Variants in EPHA7 observed in about 807,000 individuals in gnomAD.
The protein encoded by EPHA7 is ephrin type-A receptor 7.
Under a neutral mutation model 112.6 loss-of-function variants are expected in EPHA7, and 25 were observed. The ratio of observed to expected loss-of-function variants is 0.22; its 90% confidence interval spans 0.16 to 0.31. The LOEUF (loss-of-function observed/expected upper bound fraction) is 0.31. Among genes scored for constraint, EPHA7 ranks in the 10% least tolerant of loss-of-function variants. The pLI is 1.00. For missense variants in EPHA7, 962 were observed against 1,212.6 expected, an observed-to-expected ratio of 0.79 and a Z score of 3.07; for synonymous variants, 437 against 406.5, an observed-to-expected ratio of 1.07 and a Z score of -0.90.
rs146203229 is a variant in EPHA7 at position 93,258,185 on chromosome 6, T to G, written c.2024A>C (p.Gln675Pro). ...KTLKVGYTEK[Q>P]RRDFLCEASI... Reference sequence around the variant, plus strand: ...TGCTTCACACAAAAAGTCTCTCCTTTGTTTTTCTGTGTAACCAACTTTCAG... The same window carrying G: ...TGCTTCACACAAAAAGTCTCTCCTTGGTTTTTCTGTGTAACCAACTTTCAG... The change falls in exon 11 of 17, where the codon CAA becomes CCA. Residue 675 changes from glutamine (Q) to proline (P), a missense_variant. Gln to Pro is a moderately conservative substitution (Grantham distance 76, BLOSUM62 -1). Coordinates refer to ENST00000369303, the MANE Select transcript of EPHA7 (RefSeq NM_004440.4). 1.1e-3 allele frequency: 1,815 copies of G among 1,613,484 alleles called. 2 individuals are homozygous for G. The highest frequency in any genetic ancestry group is 1.3e-3 in the Non-Finnish European group (1,570 of 1,179,640).
chr6:93,241,577 CA>C lies in EPHA7; in HGVS notation c.*1848del. ...AATTAAAATGATTTTTCTAGTCAAT[CA>C]AAAAATAAATTAAAATATCAAATAA... On this transcript the variant is annotated 3_prime_UTR_variant, in exon 17 of 17. Transcript: ENST00000369303. 5.0e-6 allele frequency: 1 copy of C among 201,548 alleles called. No individual in the cohort carries two copies. The highest frequency in any genetic ancestry group is 1.0e-5 in the Non-Finnish European group (1 of 98,604). The allele number at this position is 201,548 out of a possible 1,614,324, so 12.5% of individuals were successfully genotyped here.
intron 5 of EPHA7, among the ~76,000 whole-genome samples, chr6:93,320,101 G>A (rs930033312): frequency 6.6e-6 from 1 of 151,964 alleles, no homozygotes; most frequent in Non-Finnish European, 1.5e-5. Context: ...TGTATTTTGT[G>A]CTAGTATTAA....
At chr6:93,250,229 C>T (rs1419550795) in intron 14 of EPHA7, among the ~76,000 whole-genome samples, 1 of 152,070 alleles carries the variant, frequency 6.6e-6, no homozygotes, top group South Asian at 2.1e-4. Context: ...AAGATACACC[C>T]TTTGAAACAA....
chr6:93,317,524 C>T (rs1411108519), intron 5 of EPHA7, among the ~76,000 whole-genome samples: 1 of 152,134 alleles, frequency 6.6e-6, no homozygotes, highest in Non-Finnish European at 1.5e-5. Flanking sequence ...TCAATTTTAA[C>T]ATTAGCAAAG....
At chr6:93,364,405 C>A (rs1266007663) in intron 3 of EPHA7, among the ~76,000 whole-genome samples, 1 of 151,544 alleles carries the variant, frequency 6.6e-6, no homozygotes, top group Non-Finnish European at 1.5e-5. Context: ...GCACCTGTAA[C>A]CCCAGCTACT....
Position 93,411,189 on chromosome 6 carries a change from G to C in EPHA7, c.163-19C>G. 1 of 1,584,652 alleles carries C rather than the reference G, an allele frequency of 6.3e-7. No homozygotes were observed. The highest frequency in any genetic ancestry group is 1.1e-5 in the South Asian group (1 of 88,640). ...CTTCCCACTGTAAAATTTGAAAAAA[G>C]GTCATCAGTCATTCAGCAAAAAATA... On this transcript the variant is annotated intron_variant, in intron 2 of 16. Transcript: ENST00000369303.
intron 5 of EPHA7, among the ~76,000 whole-genome samples, chr6:93,349,935 T>C (rs1164157407): frequency 2.0e-5 from 3 of 151,850 alleles, no homozygotes; most frequent in African/African-American, 7.2e-5. Flanking sequence ...TGGTTTTGTC[T>C]TTTTTGGGGA....
At chr6:93,362,375 A>G (rs1359902594) in intron 3 of EPHA7, among the ~76,000 whole-genome samples, 1 of 152,100 alleles carries the variant, frequency 6.6e-6, no homozygotes, top group African/African-American at 2.4e-5. Flanking sequence ...TATTGTATTT[A>G]ATCTCAACTA....
chr6:93,268,507 C>T (rs1273667662), intron 7 of EPHA7, among the ~76,000 whole-genome samples: 1 of 150,682 alleles, frequency 6.6e-6, no homozygotes, highest in African/African-American at 2.4e-5. Context: ...TAATATTTTC[C>T]AACTTAATTT....
intron 5 of EPHA7, among the ~76,000 whole-genome samples, chr6:93,297,426 C>A (rs1039765613): frequency 2.0e-5 from 3 of 152,050 alleles, no homozygotes; most frequent in Non-Finnish European, 4.4e-5. Context: ...AACCAAAGTT[C>A]TTTTGGTCAA....
At chr6:93,384,046 AT>A (rs1268032345) in intron 3 of EPHA7, among the ~76,000 whole-genome samples, 4 of 152,196 alleles carry the variant, frequency 2.6e-5, no homozygotes, top group Non-Finnish European at 5.9e-5. Flanking sequence ...ATGGAAGAAA[AT>A]CAGTATCAGG....
intron 3 of EPHA7, among the ~76,000 whole-genome samples, chr6:93,381,125 C>T (rs1477157828): frequency 3.9e-5 from 6 of 152,010 alleles, no homozygotes; most frequent in African/African-American, 1.2e-4. Context: ...TATCAGTTAT[C>T]GGGTATATTT....
chr6:93,344,340 T>G (rs1363885664), intron 5 of EPHA7, among the ~76,000 whole-genome samples: 1 of 151,560 alleles, frequency 6.6e-6, no homozygotes, highest in African/African-American at 2.4e-5. Context: ...GAGGCTATAT[T>G]TGGGTTCTTG....
intron 5 of EPHA7, among the ~76,000 whole-genome samples, chr6:93,321,398 A>G (rs1303708483): frequency 6.6e-6 from 1 of 151,870 alleles, no homozygotes; most frequent in African/African-American, 2.4e-5. Flanking sequence ...TTCCCCAATA[A>G]AATTCCTGCA....
chr6:93,378,471 T>G (rs909478494), intron 3 of EPHA7, among the ~76,000 whole-genome samples: 1 of 152,070 alleles, frequency 6.6e-6, no homozygotes, highest in Non-Finnish European at 1.5e-5. Flanking sequence ...TATGCATCAA[T>G]TAGTTTAGCG....
At chr6:93,367,267 A>T (rs1452538956) in intron 3 of EPHA7, among the ~76,000 whole-genome samples, 2 of 152,172 alleles carry the variant, frequency 1.3e-5, no homozygotes, top group Non-Finnish European at 2.9e-5. Flanking sequence ...TTCAGACAGG[A>T]GGCACAATTT....
At position 93,410,943 on chromosome 6, in the gene EPHA7, T is replaced by C. The variant is rs770683930; in HGVS notation, c.390A>G (p.Thr130=). 2.5e-6 allele frequency: 4 copies of C among 1,614,006 alleles called. No homozygotes were observed. In the East Asian group the frequency reaches 8.9e-5, roughly 36 times the overall value. Residue 130 remains threonine (T), a synonymous_variant, in exon 3 of 17, where the codon ACA becomes ACG. Transcript: ENST00000369303. This position sits in a 1 kb window ranked among gnomAD's most constrained non-coding sequence, Gnocchi z 4.0. The stretch of plus-strand genomic sequence containing the variant: ...TTATATTCCTGCCAGTGTCATAGTC[T>C]GTTTCATAATAGTACAAATTAAATG... ...KETFNLYYYE[T]DYDTGRNIRE...
At chr6:93,265,792 T>G (rs1225929601) in intron 7 of EPHA7, among the ~76,000 whole-genome samples, 1 of 151,726 alleles carries the variant, frequency 6.6e-6, no homozygotes, top group Non-Finnish European at 1.5e-5. Flanking sequence ...TCCTTCTTGT[T>G]GATGGCAAGG....
intron 5 of EPHA7, among the ~76,000 whole-genome samples, chr6:93,331,256 C>T (rs1274226762): frequency 1.3e-5 from 2 of 151,168 alleles, no homozygotes; most frequent in African/African-American, 4.8e-5. Flanking sequence ...AACAAGTCTC[C>T]CTAGTTTTAT....
Sources: allele counts gnomAD v4.1 joint callset (sites outside exome capture counted in the v4.1 genomes callset), GRCh38; gene constraint gnomAD v4.1.1; non-coding constraint Gnocchi (gnomAD v3.1); transcripts MANE v1.5; gene names NCBI Gene and HGNC (gene_info 2026-07-23, HGNC 2026-07-21).